PWWP3B: variants seen among roughly 807,000 people sequenced by gnomAD.
PWWP3B encodes the protein PWWP domain-containing DNA repair factor 3B.
A neutral mutation model predicts 15.7 loss-of-function variants in PWWP3B; 5 were observed. That is an observed-to-expected ratio of 0.32 (90% CI 0.17 to 0.67). PWWP3B has a LOEUF of 0.67. Among genes scored for constraint, PWWP3B ranks in the 30% least tolerant of loss-of-function variants. The probability of loss-of-function intolerance (pLI) is 0.74; values close to 1 mark genes in which losing one functional copy is unlikely to be tolerated. For missense variants in PWWP3B, 519 were observed against 493.1 expected (o/e 1.05, Z -0.50); for synonymous variants, 203 against 179.8 (o/e 1.13, Z -1.03).
At chrX:106,190,974 G>A (rs1363776318) in intron 2 of PWWP3B, among the ~76,000 whole-genome samples, 2 of 110,627 alleles carry the variant, frequency 1.8e-5, no homozygotes, top group Non-Finnish European at 3.8e-5. Flanking sequence ...GAAGTCAGGT[G>A]GCGTGATGCC....
rs1924152512 is a variant in PWWP3B at position 106,208,106 on chromosome X, C to A, written c.*583C>A. On this transcript the variant is annotated 3_prime_UTR_variant, in exon 4 of 4. Transcript: ENST00000357175. ...AACTATACTTGCTTTTGCAATAAAA[C>A]AACTTGTAATTCAAAAATGAAGATT... is the stretch of plus-strand genomic sequence containing the variant. 8.1e-6 allele frequency: 1 copy of A among 123,917 alleles called. No individual in the cohort carries two copies. Among genetic ancestry groups the A allele is most frequent in the Admixed American group, 9.4e-5 (1 of 10,616 alleles). The allele number at this position is 123,917 out of a possible 1,213,427, so 10.2% of individuals were successfully genotyped here.
At chrX:106,195,691 T>A (rs1923335780) in intron 2 of PWWP3B, among the ~76,000 whole-genome samples, 1 of 112,043 alleles carries the variant, frequency 8.9e-6, no homozygotes, top group African/African-American at 3.2e-5. Flanking sequence ...AGAAACTGTC[T>A]TAATTACCAT....
chrX:106,205,678 G>C lies in PWWP3B; in HGVS notation c.246G>C (p.Glu82Asp). The C allele has an allele frequency of 8.3e-7, 1 of 1,211,425 alleles. No individual in the cohort carries two copies. Among genetic ancestry groups the C allele is most frequent in the African/African-American group, 1.7e-5 (1 of 57,859 alleles). The change falls in exon 4 of 4, where the codon GAG becomes GAC. Residue 82 changes from glutamate (E) to aspartate (D), a missense_variant. Transcript: ENST00000357175. ...LQSEDSAPPTEETAYGRSLKV... is the reference protein window; with the variant it reads ...LQSEDSAPPTDETAYGRSLKV... The stretch of plus-strand genomic sequence containing the variant: ...CAGAGGACAGTGCTCCACCTACAGA[G>C]GAAACTGCCTATGGAAGATCACTAA...
At chrX:106,194,708 G>T (rs1923260723) in intron 2 of PWWP3B, among the ~76,000 whole-genome samples, 1 of 111,587 alleles carries the variant, frequency 9.0e-6, no homozygotes, top group Non-Finnish European at 1.9e-5. Context: ...GTGACGTACA[G>T]ATGGATTTTT....
chrX:106,176,852 T>C (rs997449457), intron 2 of PWWP3B, among the ~76,000 whole-genome samples: 1 of 112,104 alleles, frequency 8.9e-6, no homozygotes, highest in Non-Finnish European at 1.9e-5. Context: ...ATACATCATG[T>C]GCCAGGGCCA....
intron 2 of PWWP3B, among the ~76,000 whole-genome samples, chrX:106,182,008 C>G (rs912021468): frequency 8.9e-6 from 1 of 111,874 alleles, no homozygotes; most frequent in Middle Eastern, 4.7e-3. Context: ...ATTTCAGAAG[C>G]CTTTTCCTGT....
At chrX:106,173,520 C>A (rs1294834543) in intron 2 of PWWP3B, among the ~76,000 whole-genome samples, 3 of 111,007 alleles carry the variant, frequency 2.7e-5, no homozygotes, top group East Asian at 5.7e-4. Context: ...AATTTTTTAT[C>A]TGATCTCTTT....
At chrX:106,173,681 A>C (rs958082679) in intron 2 of PWWP3B, among the ~76,000 whole-genome samples, 4 of 112,020 alleles carry the variant, frequency 3.6e-5, no homozygotes, top group African/African-American at 1.3e-4. Context: ...GCTTCTTAAA[A>C]AACAAAAACA....
At chrX:106,170,268 CA>C (rs750862350) in intron 1 of PWWP3B, among the ~76,000 whole-genome samples, 2 of 111,956 alleles carry the variant, frequency 1.8e-5, no homozygotes, top group East Asian at 5.6e-4. Flanking sequence ...TAAGTCTCTA[CA>C]GAAAAAAATC....
intron 2 of PWWP3B, among the ~76,000 whole-genome samples, chrX:106,188,416 C>G (rs755024665): frequency 1.1e-4 from 12 of 110,862 alleles, no homozygotes; most frequent in Non-Finnish European, 2.1e-4. Context: ...AAGTACAAAT[C>G]AAAATCCCTA....
chrX:106,190,021 T>C (rs970379732), intron 2 of PWWP3B, among the ~76,000 whole-genome samples: 1 of 112,147 alleles, frequency 8.9e-6, no homozygotes, highest in Admixed American at 9.4e-5. Flanking sequence ...CATGTGTCTT[T>C]ATAGCAGCAT....
intron 2 of PWWP3B, among the ~76,000 whole-genome samples, chrX:106,192,135 C>T (rs1176527318): frequency 9.0e-6 from 1 of 111,478 alleles, no homozygotes; most frequent in Non-Finnish European, 1.9e-5. Flanking sequence ...ACTTTTTGTA[C>T]CTCTGTTAGA....
chrX:106,189,279 T>C (rs1922722913), intron 2 of PWWP3B, among the ~76,000 whole-genome samples: 1 of 111,463 alleles, frequency 9.0e-6, no homozygotes, highest in Non-Finnish European at 1.9e-5. Flanking sequence ...GTGCACAACG[T>C]GCAGGTTTGT....
chrX:106,207,431 G>A lies in PWWP3B; in HGVS notation c.1999G>A (p.Gly667Arg). 8.6e-7 allele frequency: 1 copy of A among 1,167,347 alleles called. No individual in the cohort carries two copies. Among genetic ancestry groups the A allele is most frequent in the Non-Finnish European group, 1.1e-6 (1 of 872,910 alleles). The part of the protein sequence containing the change: ...YEAAEAKYLK[G>R]PCLGYREREL... The stretch of plus-strand genomic sequence containing the variant: ...GGCAGCTGAAGCAAAGTATCTAAAA[G>A]GACCATGTCTAGGCTACAGGGAAAG... Residue 667 changes from glycine (G) to arginine (R), a missense_variant, in exon 4 of 4, where the codon GGA (glycine) becomes AGA (arginine). Physicochemically the swap from Gly to Arg is moderately radical, Grantham distance 125. Coordinates refer to ENST00000357175, the MANE Select transcript of PWWP3B (RefSeq NM_001171020.2).
intron 2 of PWWP3B, among the ~76,000 whole-genome samples, chrX:106,175,524 G>A (rs1921858887): frequency 9.1e-6 from 1 of 110,443 alleles, no homozygotes; most frequent in Non-Finnish European, 1.9e-5. Flanking sequence ...ACCGGTGTGA[G>A]CCACCGTGCC....
intron 2 of PWWP3B, among the ~76,000 whole-genome samples, chrX:106,174,033 A>G (rs1331541166): frequency 4.5e-5 from 5 of 112,075 alleles, no homozygotes; most frequent in Non-Finnish European, 9.4e-5. Context: ...TGCCAACAGA[A>G]ATCCATATCT....
intron 2 of PWWP3B, among the ~76,000 whole-genome samples, chrX:106,194,167 T>A (rs1358476233): frequency 1.8e-5 from 2 of 111,957 alleles, no homozygotes; most frequent in Non-Finnish European, 3.8e-5. Context: ...CCCCGTCACT[T>A]TCAGGTACAC....
chrX:106,177,257 G>A (rs1921947379), intron 2 of PWWP3B: 1 of 112,802 alleles, frequency 8.9e-6, no homozygotes. Context: ...ATCACTGGGA[G>A]GGGGCGGAGC....
At chrX:106,202,922 A>G (rs1923786403) in intron 2 of PWWP3B, among the ~76,000 whole-genome samples, 2 of 112,192 alleles carry the variant, frequency 1.8e-5, no homozygotes, top group Non-Finnish European at 3.8e-5. Context: ...GCATAGTTGT[A>G]GAGACAGGGA....
Sources: gnomAD v4.1 joint callset for allele counts (sites outside exome capture counted in the v4.1 genomes callset) on GRCh38, gnomAD v4.1.1 for gene constraint, MANE v1.5 for transcripts, NCBI Gene and HGNC (gene_info 2026-07-23, HGNC 2026-07-21) for gene names.